TMEM59L: variants seen among roughly 807,000 people sequenced by gnomAD.
TMEM59L encodes transmembrane protein 59-like.
TMEM59L carries 31 observed loss-of-function variants against 39.6 expected under a neutral mutation model. The observed-to-expected ratio is 0.78, with a 90% CI of 0.59 to 1.06. The LOEUF is 1.06. Ranked by LOEUF, TMEM59L falls within the 50% of genes least tolerant of loss-of-function variation. TMEM59L has a pLI of 0.00. For synonymous variants in TMEM59L, 219 were observed against 202.9 expected (o/e 1.08, Z -0.68); for missense variants, 441 against 451.3 (o/e 0.98, Z 0.21).
rs150780487 is a variant in TMEM59L at position 18,618,465 on chromosome 19, C to T, written c.873C>T (p.Thr291=). 4.2e-4 allele frequency: 676 copies of T among 1,604,898 alleles called. 3 individuals carry two copies. In the African/African-American group the frequency reaches 7.9e-3, roughly 19 times the overall value. Residue 291 remains threonine (T), a synonymous_variant, in exon 7 of 8, where the codon ACC becomes ACT. Transcript: ENST00000262817. ...MLWLSCSTLV[T]APGQHLKFQP... ...GGCTGAGCTGCTCCACCCTGGTGACCGCGCCTGGCCAGCACCTCAAGTTCC... is the reference window on the plus strand; with the variant it reads ...GGCTGAGCTGCTCCACCCTGGTGACTGCGCCTGGCCAGCACCTCAAGTTCC...
intron 3 of TMEM59L, among the ~76,000 whole-genome samples, 187 bp from the exon 4 acceptor site, chr19:18,615,788 A>C (rs1352360693): frequency 6.6e-6 from 1 of 152,084 alleles, no homozygotes. Flanking sequence ...TTGTATTTTT[A>C]GTAGAGACAG....
Position 18,616,083 on chromosome 19 carries a change from A to C in TMEM59L, c.517A>C (p.Thr173Pro). The C allele has an allele frequency of 6.2e-7, 1 of 1,614,124 alleles. No individual in the cohort carries two copies. Among genetic ancestry groups the C allele is most frequent in the Non-Finnish European group, 8.5e-7 (1 of 1,179,992 alleles). ...CCAGGGATTTGTCTCCTCCACCTGG[A>C]CATACTACTTGCAGACTGACAATGG... ...SAQGFVSSTW[T>P]YYLQTDNGKV... The change falls in exon 4 of 8, where the codon ACA (threonine) becomes CCA (proline). Residue 173 changes from threonine (T) to proline (P), a missense_variant. Thr to Pro is a conservative substitution (Grantham distance 38). Transcript: ENST00000262817.
chr19:18,617,956 G>T, intron 5 of TMEM59L, 199 bp from the exon 6 acceptor site: 1 of 621,548 alleles, frequency 1.6e-6, no homozygotes, highest in Middle Eastern at 2.6e-4. Flanking sequence ...CACCCCCAGG[G>T]TTGCATGGTT....
At chr19:18,614,046 G>A (rs746986540) in intron 2 of TMEM59L, 30 bp downstream of exon 2, 15 of 1,612,858 alleles carry the variant, frequency 9.3e-6, no homozygotes, top group Middle Eastern at 1.6e-4. Context: ...GTGGGCCAGC[G>A]TGGGGAGAGG....
intron 3 of TMEM59L, among the ~76,000 whole-genome samples, chr19:18,614,773 C>T (rs904750364): frequency 2.6e-5 from 4 of 152,192 alleles, no homozygotes; most frequent in South Asian, 2.1e-4. Flanking sequence ...GAAATAATAA[C>T]GGTTCATCTA....
intron 4 of TMEM59L, among the ~76,000 whole-genome samples, chr19:18,616,636 AC>A (rs1976431177): frequency 6.6e-6 from 1 of 151,956 alleles, no homozygotes; most frequent in Non-Finnish European, 1.5e-5. Flanking sequence ...CAGGTGTTTC[AC>A]CTGCCTCGGC....
chr19:18,614,381 G>A (rs1438514114), intron 3 of TMEM59L, among the ~76,000 whole-genome samples, 186 bp downstream of exon 3: 2 of 152,170 alleles, frequency 1.3e-5, no homozygotes, highest in African/African-American at 4.8e-5. Context: ...CGCCCCCCAT[G>A]CCCCACCACC....
At position 18,616,017 on chromosome 19, in the gene TMEM59L, G is replaced by A. The variant is rs760555327; in HGVS notation, c.451G>A (p.Asp151Asn). 1.9e-6 allele frequency: 3 copies of A among 1,614,062 alleles called. No individual in the cohort carries two copies. The highest frequency in any genetic ancestry group is 2.5e-6 in the Non-Finnish European group (3 of 1,179,976). The change falls in exon 4 of 8, where the codon GAC becomes AAC. Residue 151 changes from aspartate to asparagine, a missense_variant. Coordinates refer to ENST00000262817, the MANE Select transcript of TMEM59L (RefSeq NM_012109.3). ...EAPSGALSLLDLFSTLCNDLV... is the reference protein window; with the variant it reads ...EAPSGALSLLNLFSTLCNDLV... ...TCCAAGTGGGGCCCTCTCCCTCTTG[G>A]ACTTGTTTTCCACCCTCTGCAATGA...
At chr19:18,616,211 G>A (rs1976426087) in intron 4 of TMEM59L, 84 bp downstream of exon 4, 36 of 1,537,504 alleles carry the variant, frequency 2.3e-5, no homozygotes, top group Non-Finnish European at 3.2e-5. Context: ...CTTAGCTCAT[G>A]AGATGCAAAG....
intron 7 of TMEM59L, 38 bp downstream of exon 7, chr19:18,618,530 G>A: frequency 6.3e-7 from 1 of 1,575,588 alleles, no homozygotes. Context: ...GCCGAGGGAG[G>A]GGGTGAAGGC....
chr19:18,613,944 C>T lies in TMEM59L; in HGVS notation c.244C>T (p.Arg82Cys), dbSNP rs1203691886. Residue 82 changes from arginine (R) to cysteine (C), a missense_variant, in exon 2 of 8, where the codon CGC (arginine) becomes TGC (cysteine). Transcript: ENST00000262817. Reference protein sequence around the residue: ...VLISACERGCRLFSICRFVAR... With the variant: ...VLISACERGCCLFSICRFVAR... ...GATCAGCGCTTGCGAGCGTGGCTGC[C>T]GCCTCTTCTCCATCTGCCGATTTGT... The T allele has an allele frequency of 3.7e-6, 6 of 1,613,202 alleles. No homozygotes were observed. Among genetic ancestry groups the T allele is most frequent in the Non-Finnish European group, 4.2e-6 (5 of 1,180,024 alleles).
At chr19:18,614,277 C>A in intron 3 of TMEM59L, 82 bp downstream of exon 3, 1 of 1,455,126 alleles carries the variant, frequency 6.9e-7, no homozygotes, top group South Asian at 1.2e-5. Context: ...CATTCACGTG[C>A]AGAGGCTCTG....
chr19:18,615,375 C>T (rs77977108), intron 3 of TMEM59L, among the ~76,000 whole-genome samples: 3,067 of 152,326 alleles, frequency 0.02, 43 homozygotes, highest in South Asian at 0.052. Flanking sequence ...GTGCCTGTGC[C>T]GTGCCAGGCA....
rs913397103 is a variant in TMEM59L at position 18,620,796 on chromosome 19, G to A, written c.*260G>A. The A allele has an allele frequency of 7.6e-5, 27 of 357,356 alleles. No homozygotes were observed. The highest frequency in any genetic ancestry group is 1.0e-5 in the Non-Finnish European group (2 of 196,052). 22.1% of individuals were successfully genotyped at this position (357,356 alleles called of 1,614,324 possible). A position where few individuals can be genotyped will look rare whatever the true frequency, so the allele number is the denominator to read the frequency against. ...TGCTACTTTTTGTCTTCTATTGTGT[G>A]GCTTTCTGAGTATTTGAACCCCAGT... On this transcript the variant is annotated 3_prime_UTR_variant, in exon 8 of 8. Coordinates refer to ENST00000262817, the MANE Select transcript of TMEM59L (RefSeq NM_012109.3).
chr19:18,614,631 G>C (rs1976408759), intron 3 of TMEM59L, among the ~76,000 whole-genome samples: 1 of 152,212 alleles, frequency 6.6e-6, no homozygotes. Flanking sequence ...GGCGCCCCCA[G>C]AGCTGCCAGG....
At chr19:18,614,722 G>A (rs1976409648) in intron 3 of TMEM59L, among the ~76,000 whole-genome samples, 1 of 152,260 alleles carries the variant, frequency 6.6e-6, no homozygotes, top group Non-Finnish European at 1.5e-5. Context: ...TCAGGGTAGA[G>A]CAGGCTTGCC....
At chr19:18,613,647 C>T (rs1333801852) in intron 1 of TMEM59L, among the ~76,000 whole-genome samples, 1 of 152,144 alleles carries the variant, frequency 6.6e-6, no homozygotes, top group Non-Finnish European at 1.5e-5. Context: ...GCTCATTTCT[C>T]TCCACCTTCA....
intron 4 of TMEM59L, among the ~76,000 whole-genome samples, chr19:18,616,428 T>C (rs2145349207): frequency 6.6e-6 from 1 of 152,178 alleles, no homozygotes; most frequent in South Asian, 2.1e-4. Context: ...CTCCCATTCT[T>C]GTTGCCCAAG....
At chr19:18,617,807 C>A (rs144060640) in intron 5 of TMEM59L, 33 of 409,100 alleles carry the variant, frequency 8.1e-5, no homozygotes, top group African/African-American at 5.7e-4. Flanking sequence ...GGGTTCATCT[C>A]CTAAGGGTCA....
Sources: allele counts gnomAD v4.1 joint callset (sites outside exome capture counted in the v4.1 genomes callset), GRCh38; gene constraint gnomAD v4.1.1; transcripts MANE v1.5; gene names NCBI Gene and HGNC (gene_info 2026-07-23, HGNC 2026-07-21).